The following ASTN2 variants were observed in gnomAD, a reference collection of about 807,000 sequenced individuals.
ASTN2 encodes astrotactin-2.
ASTN2 carries 54 observed loss-of-function variants against 139.8 expected under a neutral mutation model. That is an observed-to-expected ratio of 0.39 (90% CI 0.31 to 0.48). The LOEUF (loss-of-function observed/expected upper bound fraction) is 0.48. ASTN2 is among the 20% of genes least tolerant of loss of function. The pLI is 0.95. For missense variants in ASTN2, 1,565 were observed against 1,725.1 expected, an observed-to-expected ratio of 0.91 and a Z score of 1.64; for synonymous variants, 756 against 719.5, an observed-to-expected ratio of 1.05 and a Z score of -0.81.
chr9:117,246,787 T>G (rs1407008668), intron 2 of ASTN2, among the ~76,000 whole-genome samples: 1 of 152,148 alleles, frequency 6.6e-6, no homozygotes, highest in Non-Finnish European at 1.5e-5. Flanking sequence ...GTGCCCTTAT[T>G]TCAAAGTCCT....
At chr9:117,174,232 T>A (rs12341290) in intron 3 of ASTN2, among the ~76,000 whole-genome samples, 5,244 of 152,040 alleles carry the variant, frequency 0.034, 136 homozygotes, top group Non-Finnish European at 0.056. Flanking sequence ...CAAACACACA[T>A]GCATATATAA....
intron 1 of ASTN2, among the ~76,000 whole-genome samples, chr9:117,339,061 T>C (rs1828982799): frequency 6.6e-6 from 1 of 152,066 alleles, no homozygotes; most frequent in African/African-American, 2.4e-5. Flanking sequence ...TGCTGTTTGA[T>C]CCCAGCTTTC....
chr9:117,107,090 T>C (rs1829126781), intron 4 of ASTN2, among the ~76,000 whole-genome samples: 1 of 152,210 alleles, frequency 6.6e-6, no homozygotes, highest in African/African-American at 2.4e-5. Context: ...TAAAGCTAAT[T>C]AAAATGTCAT....
intron 19 of ASTN2, among the ~76,000 whole-genome samples, chr9:116,499,186 T>C (rs1426059104): frequency 6.6e-6 from 1 of 152,228 alleles, no homozygotes; most frequent in Non-Finnish European, 1.5e-5. Context: ...TTTATTTACC[T>C]CTTTATTTGC....
rs991895774 is a variant in ASTN2, at chr9:116,770,453, T to G, written c.2396+35179A>C. 2.6e-5 allele frequency among the ~76,000 whole-genome samples: 4 copies of G among 152,278 alleles called. No homozygotes were observed. The East Asian group carries it at 7.7e-4, about 29-fold the overall frequency. On this transcript the variant is annotated intron_variant, in intron 13 of 22. Transcript: ENST00000313400. ...ACAATATTTTTAATTCTTAGAATAG[T>G]GCTGAAAAACTATTTCCCCTTCATC...
chr9:116,902,268 G>A (rs796863394), intron 10 of ASTN2, among the ~76,000 whole-genome samples: 3 of 152,066 alleles, frequency 2.0e-5, no homozygotes, highest in South Asian at 2.1e-4. Context: ...AGGCTAATAC[G>A]TGCATTTGTG....
rs192369446 is a variant in ASTN2 at position 116,677,322 on chromosome 9, A to C, written c.2807-25529T>G. On this transcript the variant is annotated intron_variant, in intron 16 of 22. Transcript: ENST00000313400. The stretch of plus-strand genomic sequence containing the variant: ...CATAGACCCTGTTTTGGAAAAAAAA[A>C]CCTCTGTTTTCTTCATTAAAATCTA... Among the ~76,000 whole-genome samples, 755 of 152,104 alleles carry C rather than the reference A, an allele frequency of 5.0e-3. 5 individuals carry two copies. The highest frequency in any genetic ancestry group is 0.017 in the African/African-American group (723 of 41,460).
At chr9:117,266,952 T>C (rs1207923234) in intron 2 of ASTN2, among the ~76,000 whole-genome samples, 8 of 152,204 alleles carry the variant, frequency 5.3e-5, no homozygotes. Flanking sequence ...CTGGATTTAG[T>C]AATTTGTTTC....
At chr9:117,040,225 TG>T (rs1300182351) in intron 5 of ASTN2, among the ~76,000 whole-genome samples, 8 of 152,214 alleles carry the variant, frequency 5.3e-5, no homozygotes, top group African/African-American at 1.9e-4. Context: ...CTGAAACTCA[TG>T]GCAATTTTCA....
chr9:117,023,065 A>G (rs2132618765), intron 6 of ASTN2, among the ~76,000 whole-genome samples: 1 of 152,246 alleles, frequency 6.6e-6, no homozygotes, highest in East Asian at 1.9e-4. Context: ...GGAATGACTA[A>G]AGCTGTGGCA....
chr9:117,049,576 T>A (rs1156510114), intron 5 of ASTN2, among the ~76,000 whole-genome samples: 1 of 152,210 alleles, frequency 6.6e-6, no homozygotes, highest in Non-Finnish European at 1.5e-5. Context: ...CATTATCCTA[T>A]TTAAACTTCT....
At chr9:116,550,275 C>T (rs904338157) in intron 19 of ASTN2, among the ~76,000 whole-genome samples, 4 of 152,156 alleles carry the variant, frequency 2.6e-5, no homozygotes, top group Non-Finnish European at 5.9e-5. Flanking sequence ...ATCTAGCTTC[C>T]ACCACCTGCT....
intron 19 of ASTN2, among the ~76,000 whole-genome samples, chr9:116,530,210 G>A (rs1851285006): frequency 1.4e-5 from 2 of 144,372 alleles, no homozygotes; most frequent in Non-Finnish European, 3.0e-5. Flanking sequence ...TATATGGATG[G>A]ACCTAGAGGA....
chr9:117,400,861 A>C (rs770724582), intron 1 of ASTN2, among the ~76,000 whole-genome samples: 16 of 151,964 alleles, frequency 1.1e-4, no homozygotes, highest in Non-Finnish European at 1.5e-4. Flanking sequence ...ACTGGGACCA[A>C]AACCCACGAT....
At chr9:116,451,230 C>G (rs185949823) in intron 20 of ASTN2, among the ~76,000 whole-genome samples, 1 of 152,266 alleles carries the variant, frequency 6.6e-6, no homozygotes, top group African/African-American at 2.4e-5. Context: ...GAGCATCTCC[C>G]TAAAATTCAC....
intron 19 of ASTN2, among the ~76,000 whole-genome samples, chr9:116,518,705 A>C (rs537162671): frequency 2.2e-4 from 34 of 152,304 alleles, no homozygotes; most frequent in African/African-American, 7.9e-4. Flanking sequence ...TAAAGGCTCC[A>C]CTTAAAAGAT....
At chr9:117,256,578 A>C (rs1833692706) in intron 2 of ASTN2, among the ~76,000 whole-genome samples, 2 of 152,350 alleles carry the variant, frequency 1.3e-5, no homozygotes, top group Admixed American at 1.3e-4. Flanking sequence ...TTATAAGCCC[A>C]TGTTCATTTC....
intron 13 of ASTN2, among the ~76,000 whole-genome samples, chr9:116,750,486 C>A (rs191307782): frequency 6.6e-6 from 1 of 152,158 alleles, no homozygotes; most frequent in African/African-American, 2.4e-5. Context: ...ATGAGCTTTG[C>A]AAAATGAGAA....
intron 13 of ASTN2, among the ~76,000 whole-genome samples, chr9:116,734,402 G>T (rs748079799): frequency 2.6e-5 from 4 of 152,120 alleles, no homozygotes; most frequent in Non-Finnish European, 5.9e-5. Flanking sequence ...TTAACAGCCT[G>T]CCAAGAGAGG....
Sources: gnomAD v4.1 joint callset for allele counts (sites outside exome capture counted in the v4.1 genomes callset) on GRCh38, gnomAD v4.1.1 for gene constraint, MANE v1.5 for transcripts, NCBI Gene and HGNC (gene_info 2026-07-23, HGNC 2026-07-21) for gene names.